The following PRICKLE2 variants were observed in gnomAD, a reference collection of about 807,000 sequenced individuals.
The protein encoded by PRICKLE2 is prickle planar cell polarity protein 2.
Under a neutral mutation model 81.4 loss-of-function variants are expected in PRICKLE2, and 21 were observed. That is an observed-to-expected ratio of 0.26 (90% CI 0.18 to 0.37). PRICKLE2 has a LOEUF of 0.37. PRICKLE2 is among the 10% of genes least tolerant of loss of function. The pLI is 1.00. For synonymous variants in PRICKLE2, 456 were observed against 421.5 expected (o/e 1.08, Z -1.00); for missense variants, 940 against 1,109.0 (o/e 0.85, Z 2.16).
intron 2 of PRICKLE2, among the ~76,000 whole-genome samples, chr3:64,239,952 CAAAAAAAAAAAAA>C (rs57932723): frequency 3.1e-5 from 1 of 32,240 alleles, no homozygotes. Flanking sequence ...CCATCGCTAC[CAAAAAAAAAAAAA>C]AAAAAAAAAA....
intron 1 of PRICKLE2, among the ~76,000 whole-genome samples, chr3:64,212,980 T>A (rs1451922153): frequency 1.3e-5 from 2 of 152,290 alleles, no homozygotes; most frequent in Admixed American, 1.3e-4. Flanking sequence ...TGTGCTGGAC[T>A]GAGCAAGGTA....
At chr3:64,192,661 T>C in intron 2 of PRICKLE2, among the ~76,000 whole-genome samples, 1 of 152,186 alleles carries the variant, frequency 6.6e-6, no homozygotes, top group South Asian at 2.1e-4. Flanking sequence ...GGATGTTCTA[T>C]TTTACCACTT....
At chr3:64,178,696 T>G (rs972578716) in intron 2 of PRICKLE2, among the ~76,000 whole-genome samples, 2 of 152,244 alleles carry the variant, frequency 1.3e-5, no homozygotes, top group Admixed American at 1.3e-4. Flanking sequence ...AGTTATGTGC[T>G]ATAAAATCAC....
At chr3:64,176,799 TG>T (rs1329148020) in intron 2 of PRICKLE2, among the ~76,000 whole-genome samples, 17 of 152,246 alleles carry the variant, frequency 1.1e-4, no homozygotes, top group Admixed American at 2.0e-4. Context: ...ACTTTCAGCC[TG>T]AGTAACTTGC....
chr3:64,200,910 C>T (rs1284542854), intron 1 of PRICKLE2: 2 of 149,508 alleles, frequency 1.3e-5, no homozygotes, highest in African/African-American at 5.0e-5. Context: ...CCACTGCCCT[C>T]AGTCGGATAT....
intron 6 of PRICKLE2, among the ~76,000 whole-genome samples, chr3:64,152,319 T>C (rs1455024671): frequency 3.3e-5 from 5 of 152,128 alleles, no homozygotes; most frequent in African/African-American, 1.2e-4. Flanking sequence ...CACTGCCAAC[T>C]TTTTTATTCC....
At chr3:64,258,893 G>GAAAGAAATAAATAAATAAAT (rs796940955) in intron 2 of PRICKLE2, among the ~76,000 whole-genome samples, 16 of 141,052 alleles carry the variant, frequency 1.1e-4, no homozygotes, top group African/African-American at 4.2e-4. Flanking sequence ...AAGAAAGAAA[G>GAAAGAAATAAATAAATAAAT]AAATCAGGAG....
chr3:64,248,969 T>C (rs1047169937), intron 2 of PRICKLE2, among the ~76,000 whole-genome samples: 3 of 152,228 alleles, frequency 2.0e-5, no homozygotes, highest in African/African-American at 7.2e-5. Context: ...ATTTATTAAG[T>C]TATTTTCACT....
chr3:64,131,052 T>C (rs956646505), intron 7 of PRICKLE2, among the ~76,000 whole-genome samples: 1 of 152,230 alleles, frequency 6.6e-6, no homozygotes, highest in Admixed American at 6.5e-5. Context: ...TTTTCCATGT[T>C]AACCAGAGCA....
At chr3:64,228,244 C>T (rs991759903), upstream of PRICKLE2, among the ~76,000 whole-genome samples, 8 of 152,146 alleles carry the variant, frequency 5.3e-5, no homozygotes, top group African/African-American at 1.9e-4. Context: ...CTTAAAAGAG[C>T]TTGGCAATCA....
chr3:64,156,606 A>T (rs1294579021), intron 5 of PRICKLE2, among the ~76,000 whole-genome samples: 2 of 152,208 alleles, frequency 1.3e-5, no homozygotes, highest in Non-Finnish European at 2.9e-5. Context: ...GCTTTCTTAC[A>T]TAGGGTACTT....
intron 2 of PRICKLE2, among the ~76,000 whole-genome samples, chr3:64,266,691 A>T (rs1456544397): frequency 6.6e-6 from 1 of 152,208 alleles, no homozygotes; most frequent in African/African-American, 2.4e-5. Flanking sequence ...GTCTGTACAG[A>T]CAGGGCCATG....
chr3:64,238,318 T>A (rs547793442), intron 2 of PRICKLE2, among the ~76,000 whole-genome samples: 22 of 151,694 alleles, frequency 1.5e-4, no homozygotes, highest in African/African-American at 4.4e-4. Flanking sequence ...TGAAACCTCG[T>A]CTCTACTAAA....
At position 64,255,971 on chromosome 3, in the gene PRICKLE2, G is replaced by A. The variant is rs200831576; in HGVS notation, c.129-57004C>T. Reference sequence around the variant, plus strand: ...TCTGAGGAAGGGAGCCATATGCCGAGGTTGGCAGGGCAGGAAAAAAGCAAG... The same window carrying A: ...TCTGAGGAAGGGAGCCATATGCCGAAGTTGGCAGGGCAGGAAAAAAGCAAG... On this transcript the variant is annotated intron_variant, in intron 2 of 8. Transcript: ENST00000295902. Among the ~76,000 whole-genome samples the A allele has an allele frequency of 7.9e-5, 12 of 152,270 alleles. No individual in the cohort carries two copies. The East Asian group carries it at 2.1e-3, about 27-fold the overall frequency.
At chr3:64,177,421 C>T (rs1046683278) in intron 2 of PRICKLE2, among the ~76,000 whole-genome samples, 2 of 152,098 alleles carry the variant, frequency 1.3e-5, no homozygotes, top group African/African-American at 4.8e-5. Flanking sequence ...ACGTGAGCCA[C>T]CATGCCTGGC....
intron 2 of PRICKLE2, chr3:64,187,420 C>G (rs153721): frequency 0.19 from 29,309 of 152,222 alleles, 3,322 homozygotes; most frequent in East Asian, 0.48. Flanking sequence ...CCCAACTCAT[C>G]TCTCAAACTG....
intron 2 of PRICKLE2, among the ~76,000 whole-genome samples, chr3:64,172,104 G>A (rs1450943995): frequency 1.3e-5 from 2 of 152,024 alleles, no homozygotes; most frequent in Non-Finnish European, 2.9e-5. Context: ...TCAATGTTTT[G>A]TTAGAAAATA....
chr3:64,110,962 A>C (rs1009393419), intron 7 of PRICKLE2, among the ~76,000 whole-genome samples: 1 of 112,626 alleles, frequency 8.9e-6, no homozygotes, highest in Non-Finnish European at 2.2e-5. Flanking sequence ...TCCATCTCAA[A>C]AAAAAAAAAA....
chr3:64,112,723 A>ATGTTTC (rs2076869490), intron 7 of PRICKLE2, among the ~76,000 whole-genome samples: 2 of 152,198 alleles, frequency 1.3e-5, no homozygotes, highest in African/African-American at 2.4e-5. Flanking sequence ...GTAAATAGAC[A>ATGTTTC]ACCCACAGAA....
Sources: allele counts gnomAD v4.1 joint callset (sites outside exome capture counted in the v4.1 genomes callset), GRCh38; gene constraint gnomAD v4.1.1; transcripts MANE v1.5; gene names NCBI Gene and HGNC (gene_info 2026-07-23, HGNC 2026-07-21).